The following TSPEAR variants were observed in gnomAD, a reference collection of about 807,000 sequenced individuals.
TSPEAR encodes thrombospondin-type laminin G domain and EAR repeat-containing protein.
TSPEAR carries 69 observed loss-of-function variants against 71.6 expected under a neutral mutation model. The ratio of observed to expected loss-of-function variants is 0.96; its 90% CI spans 0.79 to 1.18. The LOEUF is 1.18. Among genes scored for constraint, TSPEAR ranks in the 50% most tolerant of loss-of-function variants. TSPEAR has a pLI of 0.00. For synonymous variants in TSPEAR, 402 were observed against 387.2 expected, an observed-to-expected ratio of 1.04 and a Z score of -0.45; for missense variants, 971 against 894.9, an observed-to-expected ratio of 1.09 and a Z score of -1.09.
chr21:44,672,399 T>C (rs1172013335), intron 1 of TSPEAR, among the ~76,000 whole-genome samples: 2 of 152,016 alleles, frequency 1.3e-5, no homozygotes, highest in Non-Finnish European at 2.9e-5. Flanking sequence ...TGAAACCCCG[T>C]CTCTACTAAA....
At chr21:44,517,644 TATGAG>T (rs2052620966) in intron 9 of TSPEAR, 1 of 406,842 alleles carries the variant, frequency 2.5e-6, no homozygotes, top group Non-Finnish European at 5.0e-6. Flanking sequence ...TCTGACTTGA[TATGAG>T]AACTAACCCA....
chr21:44,706,117 T>TGCGA (rs1987900286), intron 1 of TSPEAR, among the ~76,000 whole-genome samples: 2 of 152,194 alleles, frequency 1.3e-5, no homozygotes, highest in African/African-American at 4.8e-5. Flanking sequence ...CGAGGCCTAG[T>TGCGA]GCGAGCACAG....
chr21:44,504,939 G>C (rs2052160150), intron 10 of TSPEAR, 58 bp from the exon 11 acceptor site: 18 of 1,424,352 alleles, frequency 1.3e-5, no homozygotes, highest in Admixed American at 1.2e-4. Flanking sequence ...GGAACTGGGG[G>C]ATTGGCCAGA....
At chr21:44,499,995 C>G in intron 11 of TSPEAR, 59 bp from the exon 12 acceptor site, 1 of 1,519,300 alleles carries the variant, frequency 6.6e-7, no homozygotes. Flanking sequence ...GCTCCTCTCC[C>G]CCGGCTCCCA....
chr21:44,616,155 C>G (rs962153124), intron 1 of TSPEAR, among the ~76,000 whole-genome samples: 20 of 152,206 alleles, frequency 1.3e-4, no homozygotes, highest in African/African-American at 4.8e-4. Context: ...TGCTTAGGCT[C>G]TCAGCCCGAG....
At chr21:44,548,942 C>T (rs1280475442) in intron 2 of TSPEAR, among the ~76,000 whole-genome samples, 3 of 152,192 alleles carry the variant, frequency 2.0e-5, no homozygotes, top group East Asian at 1.9e-4. Context: ...AACTCAGAGT[C>T]GTAAGGAAAA....
intron 10 of TSPEAR, 99 bp from the exon 11 acceptor site, chr21:44,504,980 C>G (rs781968059): frequency 1.1e-6 from 1 of 880,632 alleles, no homozygotes; most frequent in Non-Finnish European, 1.9e-6. Flanking sequence ...GAGGAGGAGC[C>G]GGGGCCAAAG....
intron 2 of TSPEAR, among the ~76,000 whole-genome samples, chr21:44,567,431 G>T (rs1429069757): frequency 3.9e-5 from 6 of 152,186 alleles, no homozygotes; most frequent in Non-Finnish European, 7.3e-5. Flanking sequence ...TGTTAGATTT[G>T]GGATTGATGG....
chr21:44,571,746 A>G (rs1555922539), intron 1 of TSPEAR, among the ~76,000 whole-genome samples: 1 of 152,224 alleles, frequency 6.6e-6, no homozygotes, highest in Non-Finnish European at 1.5e-5. Flanking sequence ...CAAAATACAT[A>G]GTGATCATAT....
intron 2 of TSPEAR, among the ~76,000 whole-genome samples, chr21:44,564,012 C>CA (rs1173156503): frequency 2.0e-5 from 3 of 151,016 alleles, no homozygotes; most frequent in South Asian, 2.1e-4. Context: ...TAAAGTCACC[C>CA]AAAAAATCAC....
At chr21:44,660,261 A>G (rs1985417457) in intron 1 of TSPEAR, among the ~76,000 whole-genome samples, 1 of 152,230 alleles carries the variant, frequency 6.6e-6, no homozygotes, top group Non-Finnish European at 1.5e-5. Context: ...ATAAAGTCCC[A>G]TATCCAAAAA....
intron 1 of TSPEAR, among the ~76,000 whole-genome samples, chr21:44,597,018 C>T (rs400170): frequency 0.11 from 17,355 of 151,982 alleles, 1,518 homozygotes; most frequent in African/African-American, 0.23. Context: ...TAAATGGCTT[C>T]GGTGTTTTAC....
At chr21:44,631,305 A>G (rs758159490) in intron 1 of TSPEAR, among the ~76,000 whole-genome samples, 1 of 152,236 alleles carries the variant, frequency 6.6e-6, no homozygotes, top group African/African-American at 2.4e-5. Flanking sequence ...GTTGAAAAGT[A>G]TAATAACTGA....
At chr21:44,608,264 T>A (rs139753769) in intron 1 of TSPEAR, among the ~76,000 whole-genome samples, 11 of 152,366 alleles carry the variant, frequency 7.2e-5, no homozygotes, top group African/African-American at 2.6e-4. Flanking sequence ...CAGACTTGGA[T>A]GGGTTATTTG....
intron 1 of TSPEAR, among the ~76,000 whole-genome samples, chr21:44,614,497 G>A (rs1199578040): frequency 6.6e-6 from 1 of 152,238 alleles, no homozygotes; most frequent in Non-Finnish European, 1.5e-5. Context: ...GGCGAGGGTG[G>A]AACAGAGTCC....
rs150268113 is a variant in TSPEAR, at chr21:44,499,915, G to A, written c.1878C>T (p.Phe626=). The A allele has an allele frequency of 6.2e-4, 993 of 1,607,802 alleles. No homozygotes were observed. The highest frequency in any genetic ancestry group is 7.8e-4 in the Non-Finnish European group (923 of 1,178,166). ...CGGTGGGGAGGCTGTGCACCGCCAC[G>A]AAGCCCTCGTAGCCCTGCCACCTGC... ...IIYRWQGYEG[F]VAVHSLPTVG... Residue 626 remains phenylalanine (F), a synonymous_variant, in exon 12 of 12, where the codon TTC becomes TTT. Transcript: ENST00000323084.
At chr21:44,685,963 C>T (rs1555948868) in intron 1 of TSPEAR, among the ~76,000 whole-genome samples, 1 of 152,208 alleles carries the variant, frequency 6.6e-6, no homozygotes, top group Non-Finnish European at 1.5e-5. Context: ...ATTACTGTTA[C>T]CTCAATAATC....
At position 44,572,422 on chromosome 21, in the gene TSPEAR, C is replaced by T. The variant is rs186931992; in HGVS notation, c.83-4417G>A. Among the ~76,000 whole-genome samples, 37 of 152,194 alleles carry T rather than the reference C, an allele frequency of 2.4e-4. No homozygotes were observed. The East Asian group carries it at 2.7e-3, about 11-fold the overall frequency. On this transcript the variant is annotated intron_variant, in intron 1 of 11. Transcript: ENST00000323084. ...AGCTGGCAAAGGGCGATGTGAACCC[C>T]GCTTTTCAGCCACTATTCCCTAAAA...
chr21:44,605,456 C>A (rs1981246378), intron 1 of TSPEAR, among the ~76,000 whole-genome samples: 1 of 152,068 alleles, frequency 6.6e-6, no homozygotes, highest in South Asian at 2.1e-4. Flanking sequence ...AGAACAATCC[C>A]AAAATTCATA....
Sources: gnomAD v4.1 joint callset for allele counts (sites outside exome capture counted in the v4.1 genomes callset) on GRCh38, gnomAD v4.1.1 for gene constraint, MANE v1.5 for transcripts, NCBI Gene and HGNC (gene_info 2026-07-23, HGNC 2026-07-21) for gene names.